Variants in ATAD2B observed in about 807,000 individuals in gnomAD.
ATAD2B encodes the protein ATPase family AAA domain-containing protein 2B.
A neutral mutation model predicts 167.6 loss-of-function variants in ATAD2B; 40 were observed. That is an observed-to-expected ratio of 0.24 (90% CI 0.19 to 0.31). The LOEUF (loss-of-function observed/expected upper bound fraction) is 0.31. Ranked by LOEUF, ATAD2B falls within the 10% of genes least tolerant of loss-of-function variation. The probability of loss-of-function intolerance (pLI) is 1.00; values close to 1 mark genes in which losing one functional copy is unlikely to be tolerated. For missense variants in ATAD2B, 1,242 were observed against 1,757.2 expected, an observed-to-expected ratio of 0.71 and a Z score of 5.24; for synonymous variants, 579 against 596.5, an observed-to-expected ratio of 0.97 and a Z score of 0.43.
chr2:23,695,906 C>A, the ATAD2B span: 1 of 1,539,584 alleles, frequency 6.5e-7, no homozygotes, highest in Non-Finnish European at 8.8e-7. This position sits in a 1 kb window ranked among gnomAD's most constrained non-coding sequence, Gnocchi z 7.6. Flanking sequence ...CAGATGCCGA[C>A]AGTCTTAGAG....
intron 18 of ATAD2B, 69 bp from the exon 19 acceptor site, chr2:23,798,392 C>T: frequency 8.1e-7 from 1 of 1,233,440 alleles, no homozygotes; most frequent in Non-Finnish European, 1.1e-6. Context: ...CAGTAATCTC[C>T]AAATACATGA....
the ATAD2B span, among the ~76,000 whole-genome samples, chr2:23,731,308 A>C: frequency 6.6e-6 from 1 of 152,242 alleles, no homozygotes; most frequent in East Asian, 1.9e-4. Flanking sequence ...GATAATAGAC[A>C]AAGAAATATT....
chr2:23,707,692 G>C, the ATAD2B span: 7 of 152,356 alleles, frequency 4.6e-5, no homozygotes, highest in African/African-American at 1.7e-4. Context: ...GACCAGGCCA[G>C]TGGGAAGGGA....
At position 23,758,078 on chromosome 2, in the gene ATAD2B, G is replaced by A. The variant is rs1676155907; in HGVS notation, c.3418C>T (p.Arg1140Trp). Residue 1140 changes from arginine to tryptophan, a missense_variant, in exon 25 of 28, where the codon CGG (arginine) becomes TGG (tryptophan). Arg to Trp is a moderately radical substitution (Grantham distance 101). Transcript: ENST00000238789. ...ATTCCTTTACCCCACTGTGATCTCC[G>A]CCTTGATTTTCTCCGAACCCGAACT... ...CAFRVRRKSR[R>W]RSQWGKGIIK... is the part of the protein sequence containing the mutation. 30 of 1,577,038 alleles carry A rather than the reference G, an allele frequency of 1.9e-5. No homozygotes were observed. Among genetic ancestry groups the A allele is most frequent in the Non-Finnish European group, 2.5e-5 (29 of 1,170,166 alleles).
chr2:23,791,048 A>T (rs936413469), intron 19 of ATAD2B, among the ~76,000 whole-genome samples: 5 of 152,216 alleles, frequency 3.3e-5, no homozygotes, highest in Non-Finnish European at 7.3e-5. Context: ...ATTTTGTATC[A>T]TACAACTGAC....
At chr2:23,700,245 G>A in the ATAD2B span, among the ~76,000 whole-genome samples, 4,973 of 152,164 alleles carry the variant, frequency 0.033, 103 homozygotes, top group South Asian at 0.086. This position sits in a 1 kb window ranked among gnomAD's most constrained non-coding sequence, Gnocchi z 4.6. Context: ...CTGCTGGCTC[G>A]TGAGATCTGA....
intron 1 of ATAD2B, among the ~76,000 whole-genome samples, chr2:23,913,150 TTCCCCAGCACA>T: frequency 1.3e-5 from 2 of 152,330 alleles, no homozygotes; most frequent in African/African-American, 4.8e-5. Context: ...ATATACATTT[TTCCCCAGCACA>T]CAATAAACAT....
chr2:23,870,668 A>AG (rs370584765), intron 8 of ATAD2B, among the ~76,000 whole-genome samples: 1 of 149,700 alleles, frequency 6.7e-6, no homozygotes, highest in African/African-American at 2.5e-5. Context: ...GAAAAAAAAA[A>AG]GTTTGGTTTT....
Position 23,823,350 on chromosome 2 carries a change from C to T in ATAD2B, c.2039G>A (p.Arg680Lys). ...GTTGAAGCTTCTTTCCAGCAGTGGT[C>T]TTATGATGGGGGATAGTGCATGCCC... The part of the protein sequence containing the change: ...SSGHALSPII[R>K]PLLERSFNNI... Residue 680 changes from arginine to lysine, a missense_variant, in exon 16 of 28, where the codon AGA becomes AAA. Physicochemically the swap from Arg to Lys is conservative, Grantham distance 26. Coordinates refer to ENST00000238789, the MANE Select transcript of ATAD2B (RefSeq NM_017552.4). 6.2e-7 allele frequency: 1 copy of T among 1,613,796 alleles called. No homozygotes were observed. Among genetic ancestry groups the T allele is most frequent in the Admixed American group, 1.7e-5 (1 of 59,988 alleles).
Position 23,800,445 on chromosome 2 carries a change from G to A in ATAD2B, c.2455-2122C>T, listed in dbSNP as rs560785942. Among the ~76,000 whole-genome samples the A allele has an allele frequency of 5.9e-5, 9 of 152,314 alleles. No individual in the cohort carries two copies. In the South Asian group the frequency reaches 1.7e-3, roughly 28 times the overall value. ...GCCATTAACAAGTATCAAAGAGGAT[G>A]AGCAAAGCAACAGAAGGTTAAGTGA... On this transcript the variant is annotated intron_variant, in intron 18 of 27. Transcript: ENST00000238789.
intron 22 of ATAD2B, among the ~76,000 whole-genome samples, chr2:23,779,692 G>A (rs1436222177): frequency 6.7e-6 from 1 of 149,960 alleles, no homozygotes; most frequent in Non-Finnish European, 1.5e-5. Flanking sequence ...CAACAATCGG[G>A]TATTAGCTGT....
intron 26 of ATAD2B, 130 bp downstream of exon 26, chr2:23,754,517 T>C (rs935538273): frequency 4.8e-6 from 6 of 1,249,834 alleles, no homozygotes; most frequent in African/African-American, 1.5e-5. Context: ...ATAACTCTTT[T>C]TTACTAGGAG....
At chr2:23,723,845 A>AAGATACAGAATC in the ATAD2B span, among the ~76,000 whole-genome samples, 1 of 152,240 alleles carries the variant, frequency 6.6e-6, no homozygotes, top group South Asian at 2.1e-4. Context: ...CACAATAACC[A>AAGATACAGAATC]AGATACAGAA....
chr2:23,792,427 CT>C (rs1278962357), intron 19 of ATAD2B, among the ~76,000 whole-genome samples: 1 of 149,608 alleles, frequency 6.7e-6, no homozygotes, highest in Admixed American at 6.7e-5. Context: ...TTCCTGCAAC[CT>C]TTGTAATAAG....
chr2:23,831,311 T>A (rs1221262857), intron 14 of ATAD2B, among the ~76,000 whole-genome samples: 1 of 152,198 alleles, frequency 6.6e-6, no homozygotes, highest in Admixed American at 6.5e-5. Flanking sequence ...TTATTGCATA[T>A]AGAAGATGTG....
the ATAD2B span, chr2:23,707,467 T>A: frequency 6.6e-6 from 1 of 152,244 alleles, no homozygotes; most frequent in East Asian, 1.9e-4. Context: ...AAGCTCTTTG[T>A]AGGTAGTGCC....
the ATAD2B span, among the ~76,000 whole-genome samples, chr2:23,739,751 T>C: frequency 2.0e-5 from 3 of 152,158 alleles, no homozygotes; most frequent in African/African-American, 7.2e-5. Context: ...AAAACATTAA[T>C]GAATCCAGGA....
intron 18 of ATAD2B, among the ~76,000 whole-genome samples, chr2:23,799,497 C>A (rs1056730462): frequency 1.5e-5 from 2 of 132,636 alleles, no homozygotes; most frequent in African/African-American, 5.6e-5. Context: ...CACTTGAACC[C>A]GGGAGGTGGA....
chr2:23,873,004 T>C (rs760889961), intron 8 of ATAD2B: 18 of 707,164 alleles, frequency 2.5e-5, no homozygotes, highest in Middle Eastern at 3.8e-4. Flanking sequence ...CACCAGTTTG[T>C]AGGTGGCCAT....
Sources: allele counts gnomAD v4.1 joint callset (sites outside exome capture counted in the v4.1 genomes callset), GRCh38; gene constraint gnomAD v4.1.1; non-coding constraint Gnocchi (gnomAD v3.1); transcripts MANE v1.5; gene names NCBI Gene and HGNC (gene_info 2026-07-23, HGNC 2026-07-21).